The following FNDC3B variants were observed in gnomAD, a reference collection of about 807,000 sequenced individuals.
FNDC3B encodes fibronectin type III domain-containing protein 3B.
Under a neutral mutation model 151.5 loss-of-function variants are expected in FNDC3B, and 12 were observed. The observed-to-expected ratio is 0.08, with a 90% CI of 0.05 to 0.13. The LOEUF (loss-of-function observed/expected upper bound fraction) is 0.13. FNDC3B is among the 10% of genes least tolerant of loss of function. The pLI is 1.00. For missense variants in FNDC3B, 1,214 were observed against 1,505.3 expected, an observed-to-expected ratio of 0.81 and a Z score of 3.20; for synonymous variants, 528 against 549.0, an observed-to-expected ratio of 0.96 and a Z score of 0.54.
chr3:172,193,177 CCTTCCT>C (rs1724629634), intron 3 of FNDC3B, among the ~76,000 whole-genome samples: 2 of 52,048 alleles, frequency 3.8e-5, no homozygotes, highest in Non-Finnish European at 7.6e-5. Context: ...TCATTCCCGC[CCTTCCT>C]CTCCCTCCCT....
In FNDC3B at chr3:172,078,662, G is replaced by T. The variant is rs193212661; in HGVS notation, c.-28-33790G>T. The stretch of plus-strand genomic sequence containing the variant: ...TCGGGGGTAGATATTCAAATATACT[G>T]AAACATTAAGGTTGCTGTAGATGAG... On this transcript the variant is annotated intron_variant, in intron 1 of 25. Coordinates refer to ENST00000415807, the MANE Select transcript of FNDC3B (RefSeq NM_022763.4). 1.2e-3 allele frequency among the ~76,000 whole-genome samples: 176 copies of T among 152,308 alleles called. No individual in the cohort carries two copies. In the Middle Eastern group the frequency reaches 0.017, roughly 15 times the overall value.
At chr3:172,242,150 A>C (rs2108763159) in intron 4 of FNDC3B, among the ~76,000 whole-genome samples, 1 of 152,354 alleles carries the variant, frequency 6.6e-6, no homozygotes, top group South Asian at 2.1e-4. Context: ...GTGGGTTCCC[A>C]TAGTCTTGGG....
At chr3:172,072,171 A>C (rs559210133) in intron 1 of FNDC3B, among the ~76,000 whole-genome samples, 1 of 148,676 alleles carries the variant, frequency 6.7e-6, no homozygotes, top group Admixed American at 6.8e-5. Context: ...CATTAGTCAC[A>C]TGTGGCTGTT....
At chr3:172,292,160 G>A (rs1244557884) in intron 7 of FNDC3B, among the ~76,000 whole-genome samples, 1 of 152,204 alleles carries the variant, frequency 6.6e-6, no homozygotes, top group African/African-American at 2.4e-5. Context: ...AAGAGTCAGT[G>A]AAAGGGAGAG....
chr3:172,143,522 A>G (rs934948606), intron 3 of FNDC3B, among the ~76,000 whole-genome samples: 1 of 152,108 alleles, frequency 6.6e-6, no homozygotes, highest in African/African-American at 2.4e-5. Flanking sequence ...AATTTTATTA[A>G]TATTTTATGT....
chr3:172,066,047 C>G (rs539379222), intron 1 of FNDC3B, among the ~76,000 whole-genome samples: 129 of 152,308 alleles, frequency 8.5e-4, no homozygotes, highest in African/African-American at 3.0e-3. Flanking sequence ...TAGAGATACA[C>G]CAAGACCATT....
intron 6 of FNDC3B, among the ~76,000 whole-genome samples, chr3:172,275,746 C>T (rs558314761): frequency 6.6e-6 from 1 of 152,246 alleles, no homozygotes; most frequent in South Asian, 2.1e-4. Flanking sequence ...GTTCATTTCT[C>T]AGTTCAGTGC....
At position 172,353,175 on chromosome 3, in the gene FNDC3B, C is replaced by T. The variant is rs111737327; in HGVS notation, c.2795+92C>T. The T allele has an allele frequency of 6.0e-4, 735 of 1,231,310 alleles. 3 individuals are homozygous for T. In the African/African-American group the frequency reaches 9.3e-3, roughly 16 times the overall value. The allele number at this position is 1,231,310 out of a possible 1,614,324, so 76.3% of individuals were successfully genotyped here. A position where few individuals can be genotyped will look rare whatever the true frequency, so the allele number is the denominator to read the frequency against. On this transcript the variant is annotated intron_variant, in intron 22 of 25. Transcript: ENST00000415807. ...GGGAAAATGACCAAGTGGATGTCAT[C>T]TCCCAGCTGTTTCTAAGAGCCCAGA...
chr3:172,338,632 A>G (rs1244771938), intron 16 of FNDC3B, among the ~76,000 whole-genome samples: 1 of 152,268 alleles, frequency 6.6e-6, no homozygotes, highest in African/African-American at 2.4e-5. Flanking sequence ...AATAAAATTC[A>G]TTAGACTTTA....
chr3:172,159,202 C>A (rs994199053), intron 3 of FNDC3B, among the ~76,000 whole-genome samples: 3 of 152,200 alleles, frequency 2.0e-5, no homozygotes, highest in Non-Finnish European at 4.4e-5. Flanking sequence ...TCCCTTGAAC[C>A]TGGGAGGCGG....
In FNDC3B at chr3:172,398,897, A is replaced by T. The variant is rs1410379901; in HGVS notation, c.*1422A>T. 6.6e-6 allele frequency: 1 copy of T among 152,632 alleles called. No individual in the cohort carries two copies. The highest frequency in any genetic ancestry group is 1.5e-5 in the Non-Finnish European group (1 of 68,046). 9.5% of individuals were successfully genotyped at this position (152,632 alleles called of 1,614,324 possible). On this transcript the variant is annotated 3_prime_UTR_variant, in exon 26 of 26. Coordinates refer to ENST00000415807, the MANE Select transcript of FNDC3B (RefSeq NM_022763.4). Reference sequence around the variant, plus strand: ...AATTTTAACCCAAAGTCATTGGATTATTTATATGAAGTCCATAATGTTCGA... The same window carrying T: ...AATTTTAACCCAAAGTCATTGGATTTTTTATATGAAGTCCATAATGTTCGA...
chr3:172,165,104 C>T (rs2108624316), intron 3 of FNDC3B, among the ~76,000 whole-genome samples: 1 of 152,332 alleles, frequency 6.6e-6, no homozygotes, highest in South Asian at 2.1e-4. Context: ...GTTTCAACCT[C>T]CTGGGCTCAA....
chr3:172,257,172 A>G (rs1008936282), intron 6 of FNDC3B, among the ~76,000 whole-genome samples: 2 of 152,116 alleles, frequency 1.3e-5, no homozygotes, highest in East Asian at 3.8e-4. Context: ...CAGCCTTCCA[A>G]AGTGCTGGGA....
chr3:172,254,263 G>A (rs1366785056), intron 6 of FNDC3B, among the ~76,000 whole-genome samples: 2 of 152,052 alleles, frequency 1.3e-5, no homozygotes, highest in Non-Finnish European at 2.9e-5. Context: ...AGTTCACTCA[G>A]TTAACTATGC....
intron 2 of FNDC3B, among the ~76,000 whole-genome samples, chr3:172,115,365 G>A (rs1720193975): frequency 6.6e-6 from 1 of 151,660 alleles, no homozygotes; most frequent in Non-Finnish European, 1.5e-5. Flanking sequence ...GAGATAGAGG[G>A]CCATTCAAAA....
intron 3 of FNDC3B, among the ~76,000 whole-genome samples, chr3:172,161,948 G>A (rs1236011284): frequency 6.6e-6 from 1 of 150,680 alleles, no homozygotes; most frequent in African/African-American, 2.5e-5. Context: ...TATAGTATGT[G>A]GTATTTTGTG....
intron 3 of FNDC3B, among the ~76,000 whole-genome samples, chr3:172,174,653 C>T (rs1318969650): frequency 6.6e-6 from 1 of 152,058 alleles, no homozygotes; most frequent in Non-Finnish European, 1.5e-5. Flanking sequence ...GAAGTGGAAT[C>T]GACCTCATCA....
At chr3:172,304,111 A>T (rs1731072969) in intron 9 of FNDC3B, among the ~76,000 whole-genome samples, 1 of 152,180 alleles carries the variant, frequency 6.6e-6, no homozygotes, top group Admixed American at 6.5e-5. Flanking sequence ...CCTCACTGCC[A>T]TCCTCCCAGC....
intron 1 of FNDC3B, among the ~76,000 whole-genome samples, chr3:172,101,737 A>T (rs188646547): frequency 1.1e-4 from 16 of 152,344 alleles, no homozygotes; most frequent in African/African-American, 3.6e-4. Context: ...TAATCATGGC[A>T]CATTTCATTA....
Sources: allele counts gnomAD v4.1 joint callset (sites outside exome capture counted in the v4.1 genomes callset), GRCh38; gene constraint gnomAD v4.1.1; transcripts MANE v1.5; gene names NCBI Gene and HGNC (gene_info 2026-07-23, HGNC 2026-07-21).